Variants in PTPRD observed in about 807,000 individuals in gnomAD.
PTPRD encodes the protein protein tyrosine phosphatase receptor type D, also known as receptor-type tyrosine-protein phosphatase delta.
A neutral mutation model predicts 214.5 loss-of-function variants in PTPRD; 34 were observed. That is an observed-to-expected ratio of 0.16 (90% CI 0.12 to 0.21). PTPRD has a LOEUF of 0.21. PTPRD is among the 10% of genes least tolerant of loss of function. PTPRD has a pLI of 1.00. For missense variants in PTPRD, 2,545 were observed against 2,398.7 expected, an observed-to-expected ratio of 1.06 and a Z score of -1.27; for synonymous variants, 1,128 against 845.7, an observed-to-expected ratio of 1.33 and a Z score of -5.79.
intron 11 of PTPRD, among the ~76,000 whole-genome samples, chr9:8,768,798 GAATT>G (rs1015395464): frequency 1.3e-5 from 2 of 152,100 alleles, no homozygotes; most frequent in South Asian, 2.1e-4. Context: ...TTATAATCTG[GAATT>G]AATATTAGAA....
At chr9:10,290,122 G>C (rs181056173) in intron 3 of PTPRD, among the ~76,000 whole-genome samples, 7 of 152,174 alleles carry the variant, frequency 4.6e-5, no homozygotes, top group Middle Eastern at 3.4e-3. Flanking sequence ...TTCCCCAAAG[G>C]TGTGTAAAAA....
At chr9:9,404,133 G>A (rs1206227821) in intron 8 of PTPRD, among the ~76,000 whole-genome samples, 1 of 152,016 alleles carries the variant, frequency 6.6e-6, no homozygotes, top group Non-Finnish European at 1.5e-5. Flanking sequence ...GAGGTAGGTG[G>A]CCAGATTAAG....
intron 7 of PTPRD, among the ~76,000 whole-genome samples, chr9:9,656,495 A>G (rs1285376084): frequency 6.6e-5 from 10 of 152,240 alleles, no homozygotes; most frequent in African/African-American, 2.2e-4. Context: ...ACTAAGAGAA[A>G]GAAGCTGATC....
At chr9:10,241,688 G>A (rs778158739) in intron 3 of PTPRD, among the ~76,000 whole-genome samples, 1 of 151,940 alleles carries the variant, frequency 6.6e-6, no homozygotes, top group Non-Finnish European at 1.5e-5. Flanking sequence ...GAAAACCAGG[G>A]TTGGTGGAGG....
Position 9,195,511 on chromosome 9 carries a change from A to AGT in PTPRD, c.-202-12150_-202-12149dup, listed in dbSNP as rs1488861158. Among the ~76,000 whole-genome samples, 3 of 152,090 alleles carry AGT rather than the reference A, an allele frequency of 2.0e-5. No homozygotes were observed. The East Asian group carries it at 5.8e-4, about 29-fold the overall frequency. On this transcript the variant is annotated intron_variant, in intron 9 of 45. Transcript: ENST00000381196. ...AGTAGGGACTGTGCTGGTCTGTTTC[A>AGT]GTATGTTTTTCAGTGTGTTGATATT... is the stretch of plus-strand genomic sequence containing the variant.
At chr9:8,376,519 T>A (rs2083295794) in intron 38 of PTPRD, 88 bp downstream of exon 38, 1 of 1,569,324 alleles carries the variant, frequency 6.4e-7, no homozygotes, top group African/African-American at 1.4e-5. Flanking sequence ...AAGATTTAAG[T>A]AAAGCCTTAA....
At chr9:8,986,465 AT>A (rs569321110) in intron 11 of PTPRD, among the ~76,000 whole-genome samples, 32 of 151,532 alleles carry the variant, frequency 2.1e-4, no homozygotes, top group East Asian at 7.8e-4. Context: ...TATATGTCAT[AT>A]TTTTTTCTTA....
In PTPRD at chr9:9,181,014, C is replaced by T. The variant is rs566402412; in HGVS notation, c.-143+2290G>A. Among the ~76,000 whole-genome samples, 14 of 152,156 alleles carry T rather than the reference C, an allele frequency of 9.2e-5. No individual in the cohort carries two copies. The South Asian group carries it at 1.0e-3, about 11-fold the overall frequency. ...TGGACTTGGCTCAGAGTTCCGTCTT[C>T]GGTAGAGTAAAAATACCAAAGAATT... On this transcript the variant is annotated intron_variant, in intron 10 of 45. Coordinates refer to ENST00000381196, the MANE Select transcript of PTPRD (RefSeq NM_002839.4).
Position 8,486,028 on chromosome 9 carries a change from G to A in PTPRD, c.2789C>T (p.Thr930Ile), listed in dbSNP as rs370179359. The A allele has an allele frequency of 6.2e-7, 1 of 1,614,156 alleles. No homozygotes were observed. The highest frequency in any genetic ancestry group is 8.5e-7 in the Non-Finnish European group (1 of 1,180,014). ...GFPQNLHSEG[T>I]TSTSVQLSWQ... ...AGATAACTGGACGGAGGTTGAAGTG[G>A]TGCCTTCTGAGTGAAGGTTTTGAGG... is the stretch of plus-strand genomic sequence containing the variant. The change falls in exon 28 of 46, where the codon ACC becomes ATC. Residue 930 changes from threonine to isoleucine, a missense_variant. Physicochemically the swap from Thr to Ile is moderately conservative, Grantham distance 89 (BLOSUM62 -1). Coordinates refer to ENST00000381196, the MANE Select transcript of PTPRD (RefSeq NM_002839.4).
chr9:10,390,204 G>A (rs948024303), intron 2 of PTPRD, among the ~76,000 whole-genome samples: 2 of 151,720 alleles, frequency 1.3e-5, no homozygotes, highest in African/African-American at 4.8e-5. Flanking sequence ...CTGTATTATA[G>A]ATAAGAACAG....
At chr9:8,546,410 T>G (rs78964155) in intron 14 of PTPRD, among the ~76,000 whole-genome samples, 3,607 of 152,294 alleles carry the variant, frequency 0.024, 138 homozygotes, top group African/African-American at 0.081. Flanking sequence ...TAGCATTTAC[T>G]ATTTGACTAT....
At chr9:9,420,159 A>C (rs532683811) in intron 8 of PTPRD, among the ~76,000 whole-genome samples, 5 of 151,770 alleles carry the variant, frequency 3.3e-5, no homozygotes, top group Non-Finnish European at 5.9e-5. Context: ...AATTATCAAC[A>C]GATTAATCAC....
At chr9:9,539,235 A>T (rs1178840549) in intron 8 of PTPRD, among the ~76,000 whole-genome samples, 1 of 151,870 alleles carries the variant, frequency 6.6e-6, no homozygotes, top group Non-Finnish European at 1.5e-5. Context: ...ATGCACACTG[A>T]AGAATCAGTG....
At chr9:8,988,057 G>T (rs1000185356) in intron 11 of PTPRD, among the ~76,000 whole-genome samples, 1 of 152,002 alleles carries the variant, frequency 6.6e-6, no homozygotes, top group Non-Finnish European at 1.5e-5. Flanking sequence ...GTTGGGGAGA[G>T]AGAGAGAGAT....
At chr9:8,739,147 G>A (rs920659550) in intron 11 of PTPRD, among the ~76,000 whole-genome samples, 6 of 152,208 alleles carry the variant, frequency 3.9e-5, no homozygotes, top group Admixed American at 1.3e-4. Flanking sequence ...CTGAAGGAGG[G>A]GAGGGGCCTG....
intron 8 of PTPRD, among the ~76,000 whole-genome samples, chr9:9,517,687 T>A (rs1262160528): frequency 6.6e-6 from 1 of 152,060 alleles, no homozygotes; most frequent in African/African-American, 2.4e-5. Flanking sequence ...CAAGGGGTCA[T>A]TGAAAAACAT....
At position 8,317,386 on chromosome 9, in the gene PTPRD, T is replaced by G; in HGVS notation, c.*488A>C. 1 of 233,082 alleles carries G rather than the reference T, an allele frequency of 4.3e-6. No individual in the cohort carries two copies. Among genetic ancestry groups the G allele is most frequent in the Non-Finnish European group, 8.5e-6 (1 of 117,630 alleles). 14.4% of individuals were successfully genotyped at this position (233,082 alleles called of 1,614,324 possible). On this transcript the variant is annotated 3_prime_UTR_variant, in exon 46 of 46. Transcript: ENST00000381196. ...AATACTAAAAAACTAAATCAAGGAC[T>G]TTCTTTTTAAACATTCCCTCCCCTT...
chr9:10,162,707 A>T (rs1404690427), intron 3 of PTPRD, among the ~76,000 whole-genome samples: 1 of 146,816 alleles, frequency 6.8e-6, no homozygotes, highest in Non-Finnish European at 1.5e-5. Context: ...ATACATATAC[A>T]CGTATATATA....
chr9:8,392,020 T>C (rs559621075), intron 36 of PTPRD, among the ~76,000 whole-genome samples: 1 of 152,206 alleles, frequency 6.6e-6, no homozygotes, highest in African/African-American at 2.4e-5. Context: ...CTTCCCAGGA[T>C]AAGAATACAA....
Sources: gnomAD v4.1 joint callset for allele counts (sites outside exome capture counted in the v4.1 genomes callset) on GRCh38, gnomAD v4.1.1 for gene constraint, MANE v1.5 for transcripts, NCBI Gene and HGNC (gene_info 2026-07-23, HGNC 2026-07-21) for gene names.